FREM2: variants seen among roughly 807,000 people sequenced by gnomAD.
FREM2 encodes FRAS1 related extracellular matrix 2.
Under a neutral mutation model 219.9 loss-of-function variants are expected in FREM2, and 119 were observed. That is an observed-to-expected ratio of 0.54 (90% CI 0.47 to 0.63). The LOEUF (loss-of-function observed/expected upper bound fraction) is 0.63. Among genes scored for constraint, FREM2 ranks in the 30% least tolerant of loss-of-function variants. FREM2 has a pLI of 0.00. For synonymous variants in FREM2, 1,562 were observed against 1,522.8 expected (o/e 1.03, Z -0.60); for missense variants, 4,030 against 3,993.6 (o/e 1.01, Z -0.25).
At position 38,878,166 on chromosome 13, in the gene FREM2, C is replaced by A; in HGVS notation, c.8704C>A (p.Pro2902Thr). ...DIIYGRVMVDPVQNLGDSFYC... is the reference protein window; with the variant it reads ...DIIYGRVMVDTVQNLGDSFYC... ...AATTTATGGTCGTGTCATGGTGGAT[C>A]CTGTCCAGAATCTGGGTGACTCCTT... The change falls in exon 22 of 24, where the codon CCT becomes ACT. Residue 2902 changes from proline (P) to threonine (T), a missense_variant. Physicochemically the swap from Pro to Thr is conservative, Grantham distance 38. Coordinates refer to ENST00000280481, the MANE Select transcript of FREM2 (RefSeq NM_207361.6). 1 of 1,613,738 alleles carries A rather than the reference C, an allele frequency of 6.2e-7. No individual in the cohort carries two copies. Among genetic ancestry groups the A allele is most frequent in the Non-Finnish European group, 8.5e-7 (1 of 1,179,790 alleles).
intron 7 of FREM2, among the ~76,000 whole-genome samples, chr13:38,847,191 C>T (rs535589067): frequency 8.7e-5 from 13 of 148,876 alleles, no homozygotes; most frequent in Middle Eastern, 3.4e-3. Flanking sequence ...TTCCACACTT[C>T]GTTATAAAAA....
intron 6 of FREM2, among the ~76,000 whole-genome samples, chr13:38,834,516 G>A (rs916272782): frequency 6.6e-6 from 1 of 152,142 alleles, no homozygotes; most frequent in African/African-American, 2.4e-5. Flanking sequence ...GATCCCTGAG[G>A]AATCACCACA....
chr13:38,807,233 G>GGTTTT lies in FREM2; in HGVS notation c.6019+22441_6019+22445dup, dbSNP rs1418950343. On this transcript the variant is annotated intron_variant, in intron 6 of 23. Transcript: ENST00000280481. ...TATATATATATATATATATATGTATGGTTTTGTTTTGTTTTGTTTTTTGCA... is the reference window on the plus strand; with the variant it reads ...TATATATATATATATATATATGTATGGTTTTGTTTTGTTTTGTTTTGTTTTTTGCA... 8.6e-5 allele frequency among the ~76,000 whole-genome samples: 3 copies of GGTTTT among 34,798 alleles called. No individual in the cohort carries two copies. The Admixed American group carries it at 1.3e-3, about 15-fold the overall frequency. The allele number at this position is 34,798 out of a possible 152,430, so 22.8% of individuals were successfully genotyped here.
intron 16 of FREM2, among the ~76,000 whole-genome samples, chr13:38,868,414 T>A (rs186900089): frequency 5.9e-5 from 9 of 152,330 alleles, no homozygotes; most frequent in Non-Finnish European, 1.0e-4. Context: ...AAGTACAAGT[T>A]TTGAAGCAAA....
At chr13:38,779,918 C>T (rs914185964) in intron 4 of FREM2, among the ~76,000 whole-genome samples, 27 of 152,180 alleles carry the variant, frequency 1.8e-4, no homozygotes, top group African/African-American at 6.5e-4. Context: ...CTCTGGTTGT[C>T]TTCATCCCTA....
intron 16 of FREM2, among the ~76,000 whole-genome samples, chr13:38,868,110 T>G (rs1337149383): frequency 1.3e-5 from 2 of 152,216 alleles, no homozygotes; most frequent in East Asian, 1.9e-4. Context: ...GATAGTCTCC[T>G]ACACCCTCAC....
At chr13:38,777,768 A>G (rs1873933061) in intron 4 of FREM2, among the ~76,000 whole-genome samples, 1 of 152,188 alleles carries the variant, frequency 6.6e-6, no homozygotes, top group African/African-American at 2.4e-5. Context: ...GTTAACAGAA[A>G]AATCTATCAG....
chr13:38,773,743 A>G (rs1415745912), intron 4 of FREM2, among the ~76,000 whole-genome samples: 1 of 152,062 alleles, frequency 6.6e-6, no homozygotes, highest in Non-Finnish European at 1.5e-5. Flanking sequence ...TGCTTTTAAC[A>G]TGCGCATAGA....
chr13:38,699,667 G>C (rs2138081488), intron 2 of FREM2, among the ~76,000 whole-genome samples: 1 of 152,074 alleles, frequency 6.6e-6, no homozygotes, highest in Non-Finnish European at 1.5e-5. Context: ...GGCAGATTTT[G>C]GCAAGCTGTT....
chr13:38,731,354 G>A (rs1424250779), intron 2 of FREM2, among the ~76,000 whole-genome samples: 1 of 152,194 alleles, frequency 6.6e-6, no homozygotes. Flanking sequence ...GCATAGAGAT[G>A]TTATTTGGGG....
At chr13:38,747,244 A>G (rs1239135404) in intron 2 of FREM2, among the ~76,000 whole-genome samples, 1 of 152,128 alleles carries the variant, frequency 6.6e-6, no homozygotes, top group Non-Finnish European at 1.5e-5. Context: ...TCTCTTAAGA[A>G]TGCATTCTGA....
intron 6 of FREM2, among the ~76,000 whole-genome samples, chr13:38,819,650 AT>A (rs1875944043): frequency 6.6e-6 from 1 of 152,108 alleles, no homozygotes; most frequent in Non-Finnish European, 1.5e-5. Context: ...GATATCATAT[AT>A]TTTTATATAA....
At chr13:38,712,110 G>A (rs928629741) in intron 2 of FREM2, among the ~76,000 whole-genome samples, 38 of 151,272 alleles carry the variant, frequency 2.5e-4, no homozygotes, top group Admixed American at 9.9e-4. Context: ...TAGTAGAGAC[G>A]GGGTTTCACC....
At chr13:38,877,753 T>G (rs1335904314) in intron 21 of FREM2, among the ~76,000 whole-genome samples, 1 of 152,250 alleles carries the variant, frequency 6.6e-6, no homozygotes, top group Non-Finnish European at 1.5e-5. Context: ...TTTGTATTGA[T>G]ACTTTCTTTC....
At chr13:38,783,759 C>T (rs1478215001) in intron 5 of FREM2, among the ~76,000 whole-genome samples, 3 of 152,042 alleles carry the variant, frequency 2.0e-5, no homozygotes, top group Non-Finnish European at 4.4e-5. Context: ...AATTTTCATT[C>T]GTAGGTATAT....
chr13:38,823,258 T>C (rs1386629652), intron 6 of FREM2, among the ~76,000 whole-genome samples: 2 of 152,112 alleles, frequency 1.3e-5, no homozygotes, highest in Non-Finnish European at 2.9e-5. Flanking sequence ...CTATCTTGCC[T>C]GGATTCTTGC....
intron 6 of FREM2, among the ~76,000 whole-genome samples, chr13:38,837,770 TTTTTGTTTTGTTTTG>T (rs1194672216): frequency 6.9e-6 from 1 of 144,040 alleles, no homozygotes; most frequent in African/African-American, 2.5e-5. Flanking sequence ...CCCTGGTTTT[TTTTTGTTTTGTTTTG>T]TTTTGTTTTT....
chr13:38,751,729 C>G (rs192741063), intron 2 of FREM2, among the ~76,000 whole-genome samples: 3 of 152,230 alleles, frequency 2.0e-5, no homozygotes, highest in African/African-American at 7.2e-5. Flanking sequence ...CAACTTTATA[C>G]TTCCTAACAT....
chr13:38,735,037 C>T (rs960774695), intron 2 of FREM2, among the ~76,000 whole-genome samples: 1 of 152,240 alleles, frequency 6.6e-6, no homozygotes. Context: ...TGAGCCACTG[C>T]GCCCAGCCAG....
Sources: gnomAD v4.1 joint callset for allele counts (sites outside exome capture counted in the v4.1 genomes callset) on GRCh38, gnomAD v4.1.1 for gene constraint, MANE v1.5 for transcripts, NCBI Gene and HGNC (gene_info 2026-07-23, HGNC 2026-07-21) for gene names.